Variants in CADM2 observed in about 807,000 individuals in gnomAD.
CADM2 encodes the protein cell adhesion molecule 2, also known as immunoglobulin superfamily member 4D.
Under a neutral mutation model 49.8 loss-of-function variants are expected in CADM2, and 12 were observed. The ratio of observed to expected loss-of-function variants is 0.24; its 90% CI spans 0.15 to 0.39. The LOEUF is 0.39. Ranked by LOEUF, CADM2 falls within the 10% of genes least tolerant of loss-of-function variation. The pLI, the probability that CADM2 is intolerant of heterozygous loss-of-function variation, is 1.00. For synonymous variants in CADM2, 214 were observed against 175.4 expected (o/e 1.22, Z -1.74); for missense variants, 378 against 492.3 (o/e 0.77, Z 2.20).
chr3:84,996,510 T>C (rs936240739), intron 1 of CADM2, among the ~76,000 whole-genome samples: 27 of 152,136 alleles, frequency 1.8e-4, no homozygotes, highest in African/African-American at 6.5e-4. Flanking sequence ...TATGTAGTTA[T>C]TTACATTGCT....
chr3:86,065,578 A>C lies in CADM2; in HGVS notation c.971-27A>C, dbSNP rs184408908. ...TCTGTGACTAAATAACACATTAAAT[A>C]GAACAATATTTTCCTGTCTTTTCCA... On this transcript the variant is annotated intron_variant, in intron 8 of 9. Transcript: ENST00000383699. The C allele has an allele frequency of 3.8e-6, 6 of 1,598,362 alleles. No individual in the cohort carries two copies. In the East Asian group the frequency reaches 1.3e-4, roughly 36 times the overall value.
chr3:85,750,517 G>A (rs140381630), intron 2 of CADM2, among the ~76,000 whole-genome samples: 193 of 152,170 alleles, frequency 1.3e-3, no homozygotes, highest in African/African-American at 4.5e-3. Context: ...AGAATAAGGG[G>A]TTATGGTAAA....
intron 1 of CADM2, among the ~76,000 whole-genome samples, chr3:85,683,741 T>C (rs1028465751): frequency 6.6e-6 from 1 of 152,194 alleles, no homozygotes; most frequent in African/African-American, 2.4e-5. Flanking sequence ...GCAGTTGTGC[T>C]TTTGCTATCC....
At position 86,059,095 on chromosome 3, in the gene CADM2, CAA is replaced by C. The variant is rs10712762; in HGVS notation, c.971-6493_971-6492del. ...GGTGACAGAGCGAGACTCCATCTTA[CAA>C]AAAAAAAAAAAAAAAATTCCAACAC... On this transcript the variant is annotated intron_variant, in intron 8 of 9. Transcript: ENST00000383699. Among the ~76,000 whole-genome samples the C allele has an allele frequency of 3.5e-3, 445 of 128,530 alleles. 1 individual carries two copies. The highest frequency in any genetic ancestry group is 8.6e-3 in the African/African-American group (302 of 35,186). 84.3% of individuals were successfully genotyped at this position (128,530 alleles called of 152,430 possible).
intron 1 of CADM2, among the ~76,000 whole-genome samples, chr3:85,648,150 G>C (rs1320507222): frequency 6.6e-6 from 1 of 151,876 alleles, no homozygotes; most frequent in Non-Finnish European, 1.5e-5. Context: ...AGTTCACAAA[G>C]TTAATTAAAA....
intron 3 of CADM2, among the ~76,000 whole-genome samples, chr3:85,851,793 G>A (rs971567324): frequency 6.6e-6 from 1 of 151,694 alleles, no homozygotes; most frequent in African/African-American, 2.4e-5. Context: ...AGAATCTATA[G>A]ATCTATGTAT....
intron 8 of CADM2, among the ~76,000 whole-genome samples, chr3:86,052,079 A>G (rs1737408983): frequency 1.3e-5 from 2 of 152,238 alleles, no homozygotes; most frequent in Non-Finnish European, 1.5e-5. Flanking sequence ...ATTTGAAGGT[A>G]GGAGAAAAGA....
intron 1 of CADM2, among the ~76,000 whole-genome samples, chr3:85,112,030 T>C (rs1214681777): frequency 1.3e-5 from 2 of 151,944 alleles, no homozygotes; most frequent in Admixed American, 1.3e-4. Context: ...CAACGTCTTC[T>C]ATTAATTTCT....
At chr3:85,749,751 T>A (rs1209701757) in intron 2 of CADM2, among the ~76,000 whole-genome samples, 1 of 152,026 alleles carries the variant, frequency 6.6e-6, no homozygotes, top group Non-Finnish European at 1.5e-5. Flanking sequence ...TTCCTTGGGA[T>A]TAAAGTAAAT....
At chr3:85,918,419 T>G (rs577840270) in intron 6 of CADM2, among the ~76,000 whole-genome samples, 79 of 152,294 alleles carry the variant, frequency 5.2e-4, no homozygotes, top group African/African-American at 1.8e-3. Flanking sequence ...AATCATGTGG[T>G]TTTTGTCTTT....
chr3:85,342,133 T>C (rs61318951), intron 1 of CADM2, among the ~76,000 whole-genome samples: 10,775 of 151,812 alleles, frequency 0.071, 726 homozygotes, highest in African/African-American at 0.17. Flanking sequence ...GGCTAATATC[T>C]GGAATCTAAA....
At chr3:85,791,565 A>G (rs1337422079) in intron 2 of CADM2, among the ~76,000 whole-genome samples, 3 of 151,422 alleles carry the variant, frequency 2.0e-5, no homozygotes, top group Non-Finnish European at 4.4e-5. Context: ...AGAGAGAGAG[A>G]GAGAGAGAAA....
At chr3:85,308,874 T>A (rs535756743) in intron 1 of CADM2, among the ~76,000 whole-genome samples, 93 of 152,196 alleles carry the variant, frequency 6.1e-4, no homozygotes, top group South Asian at 6.0e-3. Flanking sequence ...TCTTCCTTAC[T>A]ACAATAATAG....
At chr3:85,313,116 C>T (rs1279806580) in intron 1 of CADM2, among the ~76,000 whole-genome samples, 1 of 152,014 alleles carries the variant, frequency 6.6e-6, no homozygotes, top group Non-Finnish European at 1.5e-5. Context: ...TGCTGGCTAC[C>T]CTGTGGATTG....
chr3:85,179,919 A>G (rs2040882862), intron 1 of CADM2, among the ~76,000 whole-genome samples: 1 of 152,182 alleles, frequency 6.6e-6, no homozygotes, highest in Non-Finnish European at 1.5e-5. Flanking sequence ...GTACCTTTTC[A>G]TATTTATAGT....
At chr3:86,048,896 A>T (rs1359525076) in intron 8 of CADM2, among the ~76,000 whole-genome samples, 1 of 152,212 alleles carries the variant, frequency 6.6e-6, no homozygotes, top group Non-Finnish European at 1.5e-5. Context: ...CATTTTACAG[A>T]AAATAAAACA....
At chr3:85,981,706 C>T (rs1373818291) in intron 8 of CADM2, among the ~76,000 whole-genome samples, 9 of 151,546 alleles carry the variant, frequency 5.9e-5, no homozygotes, top group Admixed American at 2.6e-4. Flanking sequence ...TTAATGGCTG[C>T]GTAGTATTTC....
Position 85,789,905 on chromosome 3 carries a change from C to T in CADM2, c.89-12142C>T, listed in dbSNP as rs111903113. Among the ~76,000 whole-genome samples the T allele has an allele frequency of 8.2e-3, 1,243 of 152,144 alleles. 20 individuals carry two copies. The highest frequency in any genetic ancestry group is 0.027 in the African/African-American group (1,138 of 41,514). On this transcript the variant is annotated intron_variant, in intron 2 of 9. Coordinates refer to ENST00000383699, the MANE Select transcript of CADM2 (RefSeq NM_001167675.2). ...GAATAGAAAGAATTGACTTTGTACA[C>T]ATACAAGTCAAAAAAGTGTTGAGAA...
intron 1 of CADM2, among the ~76,000 whole-genome samples, chr3:85,016,791 TA>T (rs370640408): frequency 3.9e-4 from 56 of 144,820 alleles, no homozygotes; most frequent in Middle Eastern, 3.5e-3. Flanking sequence ...AGTCTCCATC[TA>T]AAAAAAAAAT....
Sources: allele counts gnomAD v4.1 joint callset (sites outside exome capture counted in the v4.1 genomes callset), GRCh38; gene constraint gnomAD v4.1.1; transcripts MANE v1.5; gene names NCBI Gene and HGNC (gene_info 2026-07-23, HGNC 2026-07-21).